ZFYVE19: variants seen among roughly 807,000 people sequenced by gnomAD.
ZFYVE19 encodes abscission/NoCut checkpoint regulator.
A neutral mutation model predicts 62.8 loss-of-function variants in ZFYVE19; 49 were observed. That is an observed-to-expected ratio of 0.78 (90% CI 0.62 to 0.99). The LOEUF (loss-of-function observed/expected upper bound fraction) is 0.99, where lower values mean the gene tolerates loss of function less well. Among genes scored for constraint, ZFYVE19 ranks in the 50% least tolerant of loss-of-function variants. The probability of loss-of-function intolerance (pLI) is 0.00; values close to 1 mark genes in which losing one functional copy is unlikely to be tolerated. For missense variants in ZFYVE19, 630 were observed against 601.9 expected, an observed-to-expected ratio of 1.05 and a Z score of -0.49; for synonymous variants, 242 against 234.3, an observed-to-expected ratio of 1.03 and a Z score of -0.30.
chr15:40,811,958 C>A (rs960449840), intron 6 of ZFYVE19, among the ~76,000 whole-genome samples: 1 of 152,216 alleles, frequency 6.6e-6, no homozygotes, highest in Admixed American at 6.5e-5. Flanking sequence ...CTTCATTGCC[C>A]TCTCTGTGCT....
intron 1 of ZFYVE19, chr15:40,808,394 G>T: frequency 6.3e-7 from 1 of 1,595,282 alleles, no homozygotes; most frequent in South Asian, 1.1e-5. Context: ...CTCTGCCTCA[G>T]TTGTGGCCAG....
At position 40,813,386 on chromosome 15, in the gene ZFYVE19, A is replaced by T; in HGVS notation, c.1079A>T (p.Glu360Val). ...CCAGACAGTGATGACGACGAGGATG[A>T]GGAGACAGCCATCCAAAGAGTCCTG... is the stretch of plus-strand genomic sequence containing the variant. ...RLPDSDDDED[E>V]ETAIQRVLQQ... The change falls in exon 8 of 11, where the codon GAG (glutamate) becomes GTG (valine). Residue 360 changes from glutamate (E) to valine (V), a missense_variant. Transcript: ENST00000355341. 2 of 1,611,316 alleles carry T rather than the reference A, an allele frequency of 1.2e-6. No homozygotes were observed. Among genetic ancestry groups the T allele is most frequent in the Non-Finnish European group, 1.7e-6 (2 of 1,178,792 alleles).
intron 1 of ZFYVE19, 62 bp downstream of exon 1, chr15:40,807,930 T>C: frequency 6.5e-7 from 1 of 1,546,560 alleles, no homozygotes. Flanking sequence ...AGCGCGGGAC[T>C]TAACGTCCAA....
chr15:40,808,419 A>C (rs1398958228), intron 1 of ZFYVE19: 2 of 1,590,434 alleles, frequency 1.3e-6, no homozygotes, highest in Non-Finnish European at 1.7e-6. Flanking sequence ...TCTGACCAGG[A>C]GATGATGGGA....
At position 40,807,218 on chromosome 15, in the gene ZFYVE19, G is replaced by T; in HGVS notation, c.-372G>T. The T allele has an allele frequency of 6.6e-7, 1 of 1,524,704 alleles. No homozygotes were observed. Among genetic ancestry groups the T allele is most frequent in the East Asian group, 2.4e-5 (1 of 41,172 alleles). 94.4% of individuals were successfully genotyped at this position (1,524,704 alleles called of 1,614,324 possible). A position where few individuals can be genotyped will look rare whatever the true frequency, so the allele number is the denominator to read the frequency against. On this transcript the variant is annotated 5_prime_UTR_variant, in exon 1 of 11. Coordinates refer to ENST00000355341, the MANE Select transcript of ZFYVE19 (RefSeq NM_001077268.2). ...CTCGGACCGTCCAGGAAATGTCTGGGAGCCCGCCTGCGGAGGGCATAGCGC... is the reference window on the plus strand; with the variant it reads ...CTCGGACCGTCCAGGAAATGTCTGGTAGCCCGCCTGCGGAGGGCATAGCGC...
rs71472455 is a variant in ZFYVE19, at chr15:40,814,268, G to A, written c.*42G>A. On this transcript the variant is annotated 3_prime_UTR_variant, in exon 11 of 11. Coordinates refer to ENST00000355341, the MANE Select transcript of ZFYVE19 (RefSeq NM_001077268.2). Reference sequence around the variant, plus strand: ...CCGGAAGGGCAGTCCCACAGGCAGCGGCACCCATTTCTGGGCCCAGCCACA... The same window carrying A: ...CCGGAAGGGCAGTCCCACAGGCAGCAGCACCCATTTCTGGGCCCAGCCACA... 6.2e-3 allele frequency: 9,901 copies of A among 1,609,262 alleles called. 63 individuals are homozygous for A. Among genetic ancestry groups the A allele is most frequent in the Middle Eastern group, 0.013 (76 of 5,784 alleles).
rs757271487 is a variant in ZFYVE19, at chr15:40,813,772, T to G, written c.1170T>G (p.Ala390=). Residue 390 remains alanine (A), a synonymous_variant, in exon 9 of 11, where the codon GCT becomes GCG. Transcript: ENST00000355341. ...GCTTTAACATCCCTGCAGAGCAGGC[T>G]TCTCGACCCTGGACGCAACCCCGCG... is the stretch of plus-strand genomic sequence containing the variant. ...ASGFNIPAEQ[A]SRPWTQPRGA... The G allele has an allele frequency of 6.2e-7, 1 of 1,614,104 alleles. No homozygotes were observed. The highest frequency in any genetic ancestry group is 1.7e-5 in the Admixed American group (1 of 60,008).
In ZFYVE19 at chr15:40,814,351, A is replaced by C; in HGVS notation, c.*125A>C. The C allele has an allele frequency of 9.4e-7, 1 of 1,063,714 alleles. No homozygotes were observed. The highest frequency in any genetic ancestry group is 1.4e-6 in the Non-Finnish European group (1 of 730,148). 65.9% of individuals were successfully genotyped at this position (1,063,714 alleles called of 1,614,324 possible). A position where few individuals can be genotyped will look rare whatever the true frequency, so the allele number is the denominator to read the frequency against. On this transcript the variant is annotated 3_prime_UTR_variant, in exon 11 of 11. Coordinates refer to ENST00000355341, the MANE Select transcript of ZFYVE19 (RefSeq NM_001077268.2). ...CTGATGATGGATAGGCCCCTTCCTG[A>C]GCCTTGGTGTCCCTGGAATGAGGAA...
chr15:40,808,454 C>T (rs985402052), intron 1 of ZFYVE19: 8 of 1,557,186 alleles, frequency 5.1e-6, no homozygotes, highest in East Asian at 2.3e-5. Context: ...ATTAGTGTCA[C>T]GCAGGAAGGC....
intron 3 of ZFYVE19, 57 bp downstream of exon 3, chr15:40,809,515 G>A (rs1345655082): frequency 6.3e-7 from 1 of 1,589,848 alleles, no homozygotes; most frequent in Non-Finnish European, 8.6e-7. Context: ...GGGAGCCATA[G>A]GGAAAGACCC....
intron 6 of ZFYVE19, 118 bp downstream of exon 6, chr15:40,810,875 G>A (rs1468893129): frequency 5.2e-6 from 7 of 1,334,198 alleles, no homozygotes; most frequent in Non-Finnish European, 4.1e-6. Flanking sequence ...AACGTTATAA[G>A]AGTTACCATT....
intron 8 of ZFYVE19, 144 bp downstream of exon 8, chr15:40,813,561 C>A: frequency 1.8e-6 from 2 of 1,133,702 alleles, no homozygotes; most frequent in Non-Finnish European, 2.5e-6. Flanking sequence ...GACCTGCCCA[C>A]TGGTCCCTGG....
At position 40,810,092 on chromosome 15, in the gene ZFYVE19, A is replaced by C. The variant is rs372523171; in HGVS notation, c.593A>C (p.Glu198Ala). The part of the protein sequence containing the change: ...NKPKLVPSQA[E>A]IEARLAALKD... Reference sequence around the variant, plus strand: ...GCAGAGTTAGTCCCCTCACAGGCAGAGATAGAGGCACGGCTGGCTGCCCTA... The same window carrying C: ...GCAGAGTTAGTCCCCTCACAGGCAGCGATAGAGGCACGGCTGGCTGCCCTA... The change falls in exon 5 of 11, where the codon GAG becomes GCG. Residue 198 changes from glutamate (E) to alanine (A), a missense_variant. Coordinates refer to ENST00000355341, the MANE Select transcript of ZFYVE19 (RefSeq NM_001077268.2). 1 of 1,614,160 alleles carries C rather than the reference A, an allele frequency of 6.2e-7. No individual in the cohort carries two copies. Among genetic ancestry groups the C allele is most frequent in the Non-Finnish European group, 8.5e-7 (1 of 1,180,032 alleles).
chr15:40,811,292 C>T (rs1890480677), intron 6 of ZFYVE19, among the ~76,000 whole-genome samples: 1 of 152,198 alleles, frequency 6.6e-6, no homozygotes, highest in African/African-American at 2.4e-5. Flanking sequence ...ATGTTTCCAT[C>T]ATCATAGAAC....
At chr15:40,812,214 C>T (rs960667506) in intron 6 of ZFYVE19, among the ~76,000 whole-genome samples, 4 of 152,104 alleles carry the variant, frequency 2.6e-5, no homozygotes, top group Non-Finnish European at 5.9e-5. Flanking sequence ...AAACCATAGG[C>T]GCTAGTGCTG....
At position 40,814,595 on chromosome 15, in the gene ZFYVE19, A is replaced by C; in HGVS notation, c.*369A>C. 4 of 303,034 alleles carry C rather than the reference A, an allele frequency of 1.3e-5. No homozygotes were observed. Among genetic ancestry groups the C allele is most frequent in the Non-Finnish European group, 2.6e-5 (4 of 154,878 alleles). The allele number at this position is 303,034 out of a possible 1,614,324, so 18.8% of individuals were successfully genotyped here. On this transcript the variant is annotated 3_prime_UTR_variant, in exon 11 of 11. Coordinates refer to ENST00000355341, the MANE Select transcript of ZFYVE19 (RefSeq NM_001077268.2). ...CCCAGCATCTCATTTCTACAACCCT[A>C]TGAGCCTGGGCCCTGTGAGAGGTGG...
At chr15:40,808,869 T>C (rs1890376165) in intron 1 of ZFYVE19, 1 of 443,726 alleles carries the variant, frequency 2.3e-6, no homozygotes, top group African/African-American at 2.0e-5. Context: ...CATCCCTGGG[T>C]CAGGGAATTG....
At position 40,812,763 on chromosome 15, in the gene ZFYVE19, C is replaced by A; in HGVS notation, c.891C>A (p.Ala297=). Residue 297 remains alanine (A), a synonymous_variant, in exon 7 of 11, where the codon GCC becomes GCA. Transcript: ENST00000355341. Reference sequence around the variant, plus strand: ...GGAGCACTAATTCCAAGAGGCAGGCCAACTGGTCCTTGGAGGAGGAGAAGA... The same window carrying A: ...GGAGCACTAATTCCAAGAGGCAGGCAAACTGGTCCTTGGAGGAGGAGAAGA... ...GPGSTNSKRQ[A]NWSLEEEKSR... 1 of 1,612,802 alleles carries A rather than the reference C, an allele frequency of 6.2e-7. No homozygotes were observed. Among genetic ancestry groups the A allele is most frequent in the Non-Finnish European group, 8.5e-7 (1 of 1,179,994 alleles).
chr15:40,809,235 G>T lies in ZFYVE19; in HGVS notation c.396G>T (p.Leu132=). Residue 132 remains leucine, a synonymous_variant, in exon 2 of 11, where the codon CTG becomes CTT. Transcript: ENST00000355341. ...TCTGCAAGCAATGCCATGAGGTCCT[G>T]ACCAGGTAAGAGGCAGGCATGGGTG... The part of the protein sequence containing the change: ...QKVCKQCHEV[L]TRGSSANASK... 6.2e-7 allele frequency: 1 copy of T among 1,614,112 alleles called. No homozygotes were observed. Among genetic ancestry groups the T allele is most frequent in the South Asian group, 1.1e-5 (1 of 91,024 alleles).
Sources: gnomAD v4.1 joint callset for allele counts (sites outside exome capture counted in the v4.1 genomes callset) on GRCh38, gnomAD v4.1.1 for gene constraint, MANE v1.5 for transcripts, NCBI Gene and HGNC (gene_info 2026-07-23, HGNC 2026-07-21) for gene names.